COP1: variants seen among roughly 807,000 people sequenced by gnomAD.
COP1 encodes COP1 E3 ubiquitin ligase.
COP1 carries 24 observed loss-of-function variants against 101.3 expected under a neutral mutation model. The ratio of observed to expected loss-of-function variants is 0.24; its 90% CI spans 0.17 to 0.33. The LOEUF is 0.33. COP1 is among the 10% of genes least tolerant of loss of function. The pLI, the probability that COP1 is intolerant of heterozygous loss-of-function variation, is 1.00. For missense variants in COP1, 663 were observed against 906.2 expected (o/e 0.73, Z 3.45); for synonymous variants, 347 against 341.9 (o/e 1.01, Z -0.17).
chr1:176,110,275 T>G (rs981687155), intron 9 of COP1, among the ~76,000 whole-genome samples: 3 of 152,236 alleles, frequency 2.0e-5, no homozygotes, highest in African/African-American at 7.2e-5. Flanking sequence ...TCAAAAAATC[T>G]AAACTCCTTC....
intron 15 of COP1, among the ~76,000 whole-genome samples, chr1:176,020,013 A>C (rs1666465721): frequency 6.6e-6 from 1 of 152,198 alleles, no homozygotes; most frequent in Non-Finnish European, 1.5e-5. Flanking sequence ...AGACTGACAA[A>C]GGTAAAGATC....
rs759608762 is a variant in COP1 at position 176,136,508 on chromosome 1, C to G, written c.871G>C (p.Glu291Gln). The change falls in exon 7 of 20, where the codon GAG becomes CAG. Residue 291 changes from glutamate to glutamine, a missense_variant. Physicochemically the swap from Glu to Gln is conservative, Grantham distance 29. Around this residue, in one of 4 missense-constraint regions of COP1, gnomAD observed 212 missense variants for 240.7 expected, o/e 0.88. Coordinates refer to ENST00000367669, the MANE Select transcript of COP1 (RefSeq NM_022457.7). ...CTTACTTCCACTCTCTTAATATCCTCTTCCAAAACACTTAGCTCCTTCTGG... is the reference window on the plus strand; with the variant it reads ...CTTACTTCCACTCTCTTAATATCCTGTTCCAAAACACTTAGCTCCTTCTGG... ...QIQKELSVLE[E>Q]DIKRVEEMSG... The G allele has an allele frequency of 1.2e-6, 2 of 1,606,448 alleles. No individual in the cohort carries two copies. The highest frequency in any genetic ancestry group is 1.7e-6 in the Non-Finnish European group (2 of 1,175,010).
Position 176,163,100 on chromosome 1 carries a change from ATATAT to A in COP1, c.643-117_643-113del, listed in dbSNP as rs878876354. 4.2e-5 allele frequency: 44 copies of A among 1,054,658 alleles called. No individual in the cohort carries two copies. The South Asian group carries it at 8.1e-4, about 19-fold the overall frequency. The allele number at this position is 1,054,658 out of a possible 1,614,324, so 65.3% of individuals were successfully genotyped here. A position where few individuals can be genotyped will look rare whatever the true frequency, so the allele number is the denominator to read the frequency against. The stretch of plus-strand genomic sequence containing the variant: ...TATGCTCATTACATAGATATCGAAA[ATATAT>A]TATAATGTTCCAAACTACCCCTTCC... On this transcript the variant is annotated intron_variant, in intron 4 of 19. Transcript: ENST00000367669.
At chr1:176,154,621 T>C (rs1210776803) in intron 5 of COP1, among the ~76,000 whole-genome samples, 3 of 151,914 alleles carry the variant, frequency 2.0e-5, no homozygotes, top group African/African-American at 4.8e-5. Context: ...CAATACACAC[T>C]GGGGCCTATC....
At chr1:176,198,633 G>A (rs187535306) in intron 1 of COP1, among the ~76,000 whole-genome samples, 11 of 151,844 alleles carry the variant, frequency 7.2e-5, no homozygotes, top group Admixed American at 2.6e-4. Context: ...TTAGAAAAAA[G>A]AAAAAACTTT....
At chr1:176,090,732 C>CA (rs1197736427) in intron 9 of COP1, among the ~76,000 whole-genome samples, 1 of 151,858 alleles carries the variant, frequency 6.6e-6, no homozygotes, top group Non-Finnish European at 1.5e-5. Context: ...GCCAAGAAGA[C>CA]AAAAAATTTG....
intron 11 of COP1, among the ~76,000 whole-genome samples, chr1:176,074,676 G>C (rs1677648641): frequency 6.6e-6 from 1 of 151,272 alleles, no homozygotes. Context: ...ATGTCAGTAT[G>C]ATTAGGGTTT....
rs186961348 is a variant in COP1, at chr1:176,206,607, G to C, written c.372C>G (p.Ile124Met). ...CGTTGCTTTTGTCCTCGTAGGAGTT[G>C]ATGAGCCCGTTGCAGAGGGGGGCGA... is the stretch of plus-strand genomic sequence containing the variant. ...PLLAPLCNGL[I>M]NSYEDKSNDF... Residue 124 changes from isoleucine (I) to methionine (M), a missense_variant, in exon 1 of 20, where the codon ATC (isoleucine) becomes ATG (methionine). Transcript: ENST00000367669. 1.9e-6 allele frequency: 3 copies of C among 1,612,010 alleles called. No homozygotes were observed. In the Admixed American group the frequency reaches 5.0e-5, roughly 27 times the overall value.
At chr1:176,141,993 C>T (rs1042478057) in intron 6 of COP1, among the ~76,000 whole-genome samples, 2 of 151,972 alleles carry the variant, frequency 1.3e-5, no homozygotes, top group African/African-American at 2.4e-5. Context: ...CCTTCGCCAA[C>T]GTGTTAGAAT....
intron 11 of COP1, among the ~76,000 whole-genome samples, chr1:176,073,206 TATG>T (rs1294268351): frequency 1.3e-5 from 2 of 152,180 alleles, no homozygotes; most frequent in African/African-American, 4.8e-5. Context: ...GTAAAATATT[TATG>T]ATGTTGTCTA....
intron 1 of COP1, among the ~76,000 whole-genome samples, chr1:176,189,474 G>A (rs948475546): frequency 1.3e-5 from 2 of 151,626 alleles, no homozygotes; most frequent in Non-Finnish European, 2.9e-5. Context: ...TTTCAACTCA[G>A]AATTTTATAC....
intron 18 of COP1, among the ~76,000 whole-genome samples, chr1:175,984,122 G>C (rs779174846): frequency 1.3e-5 from 2 of 152,164 alleles, no homozygotes; most frequent in African/African-American, 2.4e-5. Flanking sequence ...CCAAGACCAC[G>C]GGGAAAATGT....
At chr1:176,140,807 G>C (rs1360997983) in intron 6 of COP1, among the ~76,000 whole-genome samples, 4 of 152,142 alleles carry the variant, frequency 2.6e-5, no homozygotes, top group African/African-American at 7.2e-5. Flanking sequence ...TACAGAGTTT[G>C]GTGCCACTTA....
At chr1:175,964,604 C>A (rs1651772818) in intron 18 of COP1, among the ~76,000 whole-genome samples, 1 of 152,154 alleles carries the variant, frequency 6.6e-6, no homozygotes, top group Non-Finnish European at 1.5e-5. Flanking sequence ...AACAATTTGT[C>A]CTATAATCAC....
At chr1:176,043,088 A>T (rs1204409834) in intron 14 of COP1, 98 bp downstream of exon 14, 1 of 752,300 alleles carries the variant, frequency 1.3e-6, no homozygotes, top group Non-Finnish European at 2.3e-6. Flanking sequence ...AAGGACTGAC[A>T]TGAGTTTGAG....
chr1:176,154,727 C>A (rs1475171188), intron 5 of COP1, among the ~76,000 whole-genome samples: 1 of 152,064 alleles, frequency 6.6e-6, no homozygotes, highest in Admixed American at 6.6e-5. Context: ...GTACAATGAA[C>A]CCCCATGACA....
At chr1:176,133,565 G>A (rs1186649088) in intron 8 of COP1, among the ~76,000 whole-genome samples, 2 of 151,812 alleles carry the variant, frequency 1.3e-5, no homozygotes, top group Non-Finnish European at 2.9e-5. Context: ...CAAAATGTAA[G>A]CTCCAAAGGG....
intron 11 of COP1, among the ~76,000 whole-genome samples, chr1:176,057,268 A>G (rs1393944621): frequency 2.0e-5 from 3 of 152,194 alleles, no homozygotes; most frequent in Admixed American, 6.5e-5. Context: ...CTTTGCTATA[A>G]TAAGAACTTA....
intron 12 of COP1, among the ~76,000 whole-genome samples, chr1:176,044,956 C>T (rs1367208499): frequency 3.2e-4 from 48 of 152,066 alleles, no homozygotes; most frequent in Non-Finnish European, 1.5e-5. Context: ...GTTCTGAGTG[C>T]ATTATGGGGA....
Sources: gnomAD v4.1 joint callset for allele counts (sites outside exome capture counted in the v4.1 genomes callset) on GRCh38, gnomAD v4.1.1 for gene constraint, gnomAD v4.1.1 regional missense constraint, MANE v1.5 for transcripts, NCBI Gene and HGNC (gene_info 2026-07-23, HGNC 2026-07-21) for gene names.